The following SCARA3 variants were observed in gnomAD, a reference collection of about 807,000 sequenced individuals.
The protein encoded by SCARA3 is cellular stress response gene protein.
In SCARA3, 39 loss-of-function variants were observed where a neutral mutation model predicts 47.0. The ratio of observed to expected loss-of-function variants is 0.83; its 90% CI spans 0.64 to 1.08. SCARA3 has a LOEUF of 1.08. SCARA3 is among the 50% of genes least tolerant of loss of function. SCARA3 has a pLI of 0.00. For missense variants in SCARA3, 724 were observed against 792.3 expected, an observed-to-expected ratio of 0.91 and a Z score of 1.04; for synonymous variants, 356 against 334.1, an observed-to-expected ratio of 1.07 and a Z score of -0.71.
chr8:27,719,306 A>G, the SCARA3 span, among the ~76,000 whole-genome samples: 3 of 152,184 alleles, frequency 2.0e-5, no homozygotes. Context: ...GCATGTTCTC[A>G]CATGTAAGTA....
chr8:27,729,509 G>A, the SCARA3 span, among the ~76,000 whole-genome samples: 4 of 152,328 alleles, frequency 2.6e-5, no homozygotes, highest in African/African-American at 9.6e-5. Context: ...AAGGAGCAGA[G>A]GCCAGGCACA....
chr8:27,650,391 C>A (rs1209395457), intron 2 of SCARA3, among the ~76,000 whole-genome samples: 1 of 152,146 alleles, frequency 6.6e-6, no homozygotes, highest in African/African-American at 2.4e-5. Context: ...ATACCCTGTC[C>A]CTGGGGCCTG....
the SCARA3 span, among the ~76,000 whole-genome samples, chr8:27,729,288 G>A: frequency 6.6e-6 from 1 of 152,168 alleles, no homozygotes. Flanking sequence ...CACAACTGAA[G>A]CAGCTGCCCT....
In SCARA3 at chr8:27,672,491, C is replaced by T; in HGVS notation, c.*1140C>T. ...GGATTAGGCTGCAGAAGGGCCAACCCCTTGCAACAGGGCAGCTCTCGCCTC... is the reference window on the plus strand; with the variant it reads ...GGATTAGGCTGCAGAAGGGCCAACCTCTTGCAACAGGGCAGCTCTCGCCTC... On this transcript the variant is annotated 3_prime_UTR_variant, in exon 6 of 6. Transcript: ENST00000301904. The T allele has an allele frequency of 1.0e-6, 1 of 985,706 alleles. No homozygotes were observed. Among genetic ancestry groups the T allele is most frequent in the South Asian group, 4.7e-5 (1 of 21,290 alleles). The allele number at this position is 985,706 out of a possible 1,614,324, so 61.1% of individuals were successfully genotyped here. A position where few individuals can be genotyped will look rare whatever the true frequency, so the allele number is the denominator to read the frequency against.
intron 5 of SCARA3, among the ~76,000 whole-genome samples, chr8:27,663,553 A>C (rs944719734): frequency 1.3e-5 from 2 of 152,174 alleles, no homozygotes; most frequent in Non-Finnish European, 2.9e-5. Context: ...ATCAGCTACC[A>C]CCCAGTTCAT....
chr8:27,713,479 ATTC>A, the SCARA3 span, among the ~76,000 whole-genome samples: 9 of 152,312 alleles, frequency 5.9e-5, no homozygotes, highest in East Asian at 1.7e-3. Flanking sequence ...TAAATACCCT[ATTC>A]TTTGTCAAAC....
the SCARA3 span, among the ~76,000 whole-genome samples, chr8:27,720,923 T>C: frequency 6.6e-6 from 1 of 152,052 alleles, no homozygotes; most frequent in Non-Finnish European, 1.5e-5. Context: ...CACCTGATTA[T>C]CCACTCATTC....
chr8:27,656,493 T>G (rs1325755486), intron 3 of SCARA3, among the ~76,000 whole-genome samples: 1 of 152,186 alleles, frequency 6.6e-6, no homozygotes, highest in Admixed American at 6.5e-5. Context: ...GTGGTAGGAA[T>G]AAGAATAATT....
the SCARA3 span, among the ~76,000 whole-genome samples, chr8:27,709,719 C>T: frequency 6.6e-6 from 1 of 152,198 alleles, no homozygotes; most frequent in East Asian, 1.9e-4. Flanking sequence ...CCAGGAAATC[C>T]AGCTGTGTCA....
chr8:27,674,495 T>C (rs533121386), downstream of SCARA3, among the ~76,000 whole-genome samples: 5 of 152,312 alleles, frequency 3.3e-5, no homozygotes, highest in Non-Finnish European at 5.9e-5. Flanking sequence ...ACATGCTGTG[T>C]TCCTCTGTCC....
At chr8:27,713,343 G>A in the SCARA3 span, among the ~76,000 whole-genome samples, 2 of 152,200 alleles carry the variant, frequency 1.3e-5, no homozygotes, top group African/African-American at 2.4e-5. Flanking sequence ...CTTATTAGGT[G>A]ACACACAAGT....
chr8:27,708,926 C>G, the SCARA3 span, among the ~76,000 whole-genome samples: 1 of 152,098 alleles, frequency 6.6e-6, no homozygotes, highest in Non-Finnish European at 1.5e-5. Flanking sequence ...GTGTGGAAGT[C>G]TCTAACAGAG....
At chr8:27,638,314 T>TTGTGTG (rs55695492) in intron 1 of SCARA3, among the ~76,000 whole-genome samples, 58,819 of 146,374 alleles carry the variant, frequency 0.4, 12,901 homozygotes, top group Non-Finnish European at 0.5. Flanking sequence ...AATTTAGTGA[T>TTGTGTG]TGTGTGTGTG....
downstream of SCARA3, among the ~76,000 whole-genome samples, chr8:27,677,858 A>C (rs190687757): frequency 6.6e-5 from 10 of 152,268 alleles, 1 homozygote; most frequent in Admixed American, 3.9e-4. Context: ...ATGTTCTGTG[A>C]CCCCATGGCA....
At chr8:27,670,868 A>G in intron 5 of SCARA3, 32 bp from the exon 6 acceptor site, 1 of 1,504,176 alleles carries the variant, frequency 6.6e-7, no homozygotes, top group Non-Finnish European at 8.9e-7. Flanking sequence ...CCCCTGACAG[A>G]CTGACCTCTC....
chr8:27,662,925 A>G (rs1179740105), intron 5 of SCARA3, among the ~76,000 whole-genome samples: 1 of 152,174 alleles, frequency 6.6e-6, no homozygotes, highest in East Asian at 1.9e-4. Context: ...TGATTATTAA[A>G]TCCTCCCCTG....
At chr8:27,647,012 AACCT>A (rs1293630469) in intron 1 of SCARA3, among the ~76,000 whole-genome samples, 5 of 107,446 alleles carry the variant, frequency 4.7e-5, no homozygotes, top group Admixed American at 2.7e-4. Flanking sequence ...CCGGAAAGCA[AACCT>A]ACCTGGAATC....
intron 5 of SCARA3, among the ~76,000 whole-genome samples, chr8:27,662,430 A>T (rs1415330774): frequency 6.6e-6 from 1 of 152,218 alleles, no homozygotes; most frequent in Non-Finnish European, 1.5e-5. Flanking sequence ...AGTGAATTCC[A>T]TGCCACATTG....
downstream of SCARA3, among the ~76,000 whole-genome samples, chr8:27,675,820 T>C (rs79350329): frequency 0.076 from 11,478 of 151,358 alleles, 486 homozygotes; most frequent in East Asian, 0.22. Context: ...TAAATGCAGA[T>C]TGTGGGCCTC....
Sources: gnomAD v4.1 joint callset for allele counts (sites outside exome capture counted in the v4.1 genomes callset) on GRCh38, gnomAD v4.1.1 for gene constraint, MANE v1.5 for transcripts, NCBI Gene and HGNC (gene_info 2026-07-23, HGNC 2026-07-21) for gene names.